Variants in SNX7 observed in about 807,000 individuals in gnomAD.
The protein encoded by SNX7 is sorting nexin-7.
SNX7 carries 35 observed loss-of-function variants against 48.4 expected under a neutral mutation model. That is an observed-to-expected ratio of 0.72 (90% confidence interval 0.55 to 0.96). The LOEUF is 0.96. Among genes scored for constraint, SNX7 ranks in the 40% least tolerant of loss-of-function variants. The probability of loss-of-function intolerance (pLI) is 0.00; values close to 1 mark genes in which losing one functional copy is unlikely to be tolerated. For synonymous variants in SNX7, 190 were observed against 190.2 expected (o/e 1.00, Z 0.01); for missense variants, 553 against 548.9 (o/e 1.01, Z -0.07).
At chr1:98,727,961 C>A (rs959324350) in intron 7 of SNX7, among the ~76,000 whole-genome samples, 4 of 152,018 alleles carry the variant, frequency 2.6e-5, no homozygotes, top group African/African-American at 9.7e-5. Flanking sequence ...GGAAAAGAAA[C>A]TTCAGAATAT....
intron 7 of SNX7, among the ~76,000 whole-genome samples, chr1:98,722,000 A>C (rs1480545815): frequency 6.6e-6 from 1 of 152,064 alleles, no homozygotes; most frequent in East Asian, 1.9e-4. Context: ...GATTCTGAGG[A>C]GATCTCTACC....
At chr1:98,661,524 G>T (rs9729127), upstream of SNX7, among the ~76,000 whole-genome samples, 8,531 of 152,172 alleles carry the variant, frequency 0.056, 754 homozygotes, top group African/African-American at 0.18. Context: ...GAGAGTCCCA[G>T]TTCCGCCCCT....
At chr1:98,712,498 A>G (rs1427830843) in intron 7 of SNX7, among the ~76,000 whole-genome samples, 1 of 152,198 alleles carries the variant, frequency 6.6e-6, no homozygotes, top group Non-Finnish European at 1.5e-5. Flanking sequence ...TTTTGAAAGG[A>G]ATCTTTTTTC....
intron 1 of SNX7, among the ~76,000 whole-genome samples, chr1:98,681,978 TTCTC>T (rs1468360888): frequency 1.3e-5 from 2 of 152,000 alleles, no homozygotes; most frequent in African/African-American, 4.8e-5. Context: ...CTCTTTTGCT[TTCTC>T]TCTCCTTAAC....
At position 98,685,169 on chromosome 1, in the gene SNX7, A is replaced by C. The variant is rs190907240; in HGVS notation, c.363+102A>C. ...ATAATTCTGAACATTCCAAGATCTTAGCTGAATTGACTTTTACTTTTTCAA... is the reference window on the plus strand; with the variant it reads ...ATAATTCTGAACATTCCAAGATCTTCGCTGAATTGACTTTTACTTTTTCAA... On this transcript the variant is annotated intron_variant, in intron 2 of 8. Coordinates refer to ENST00000306121, the MANE Select transcript of SNX7 (RefSeq NM_015976.5). The C allele has an allele frequency of 7.2e-5, 52 of 717,462 alleles. No homozygotes were observed. In the African/African-American group the frequency reaches 7.8e-4, roughly 11 times the overall value. 44.4% of individuals were successfully genotyped at this position (717,462 alleles called of 1,614,324 possible).
chr1:98,724,779 G>A (rs1447693785), intron 7 of SNX7, among the ~76,000 whole-genome samples: 1 of 152,126 alleles, frequency 6.6e-6, no homozygotes, highest in African/African-American at 2.4e-5. Context: ...GATTTAAAAA[G>A]GTTTTGACTG....
chr1:98,742,266 G>A (rs1030557435), intron 8 of SNX7, among the ~76,000 whole-genome samples: 3 of 152,096 alleles, frequency 2.0e-5, no homozygotes, highest in African/African-American at 7.2e-5. Flanking sequence ...AGTAAAGGGA[G>A]CTATGTTCAA....
chr1:98,691,797 G>A (rs1651143408), intron 4 of SNX7, 98 bp downstream of exon 4: 2 of 1,024,852 alleles, frequency 2.0e-6, no homozygotes, highest in Non-Finnish European at 2.7e-6. Context: ...TCATGCAGTG[G>A]TGTACTTGAA....
chr1:98,670,532 A>G (rs1475622650), intron 1 of SNX7, among the ~76,000 whole-genome samples: 3 of 152,248 alleles, frequency 2.0e-5, no homozygotes, highest in Admixed American at 2.0e-4. Flanking sequence ...TAAGATTGCA[A>G]TACTGTGTTT....
intron 1 of SNX7, among the ~76,000 whole-genome samples, chr1:98,678,134 T>C (rs1650278711): frequency 6.6e-6 from 1 of 152,098 alleles, no homozygotes; most frequent in Admixed American, 6.6e-5. Context: ...AGCATGGTGC[T>C]GGCATCTACC....
In SNX7 at chr1:98,666,025, A is replaced by G. The variant is rs191139407; in HGVS notation, c.180+4114A>G. 2.7e-3 allele frequency among the ~76,000 whole-genome samples: 410 copies of G among 152,298 alleles called. 2 individuals are homozygous for G. Among genetic ancestry groups the G allele is most frequent in the Admixed American group, 7.1e-3 (108 of 15,292 alleles). ...AGTGATGGAGCGGCATAATTATACT[A>G]TTCATCTATTCTATCAAATAATTAG... On this transcript the variant is annotated intron_variant, in intron 1 of 8. Transcript: ENST00000306121.
chr1:98,718,982 T>C (rs1471674306), intron 7 of SNX7, among the ~76,000 whole-genome samples: 1 of 152,108 alleles, frequency 6.6e-6, no homozygotes, highest in African/African-American at 2.4e-5. Context: ...CTATAAATAA[T>C]GCTTTAATGA....
At chr1:98,671,139 T>G (rs1463981008) in intron 1 of SNX7, among the ~76,000 whole-genome samples, 1 of 152,188 alleles carries the variant, frequency 6.6e-6, no homozygotes, top group East Asian at 1.9e-4. Flanking sequence ...TGTTAAAAAT[T>G]TATTTTATTC....
At chr1:98,747,136 A>G (rs916152628) in intron 8 of SNX7, among the ~76,000 whole-genome samples, 1 of 152,164 alleles carries the variant, frequency 6.6e-6, no homozygotes, top group Non-Finnish European at 1.5e-5. Flanking sequence ...TTTATTTACT[A>G]AAGAAGTTCT....
intron 1 of SNX7, among the ~76,000 whole-genome samples, chr1:98,665,900 T>C (rs575086062): frequency 5.3e-5 from 8 of 152,316 alleles, no homozygotes; most frequent in African/African-American, 1.9e-4. Flanking sequence ...GAAAAGTTTA[T>C]TTCTGAAAGA....
At chr1:98,744,096 T>A (rs1267127658) in intron 8 of SNX7, among the ~76,000 whole-genome samples, 1 of 152,048 alleles carries the variant, frequency 6.6e-6, no homozygotes, top group Non-Finnish European at 1.5e-5. Flanking sequence ...AAAGAACTGT[T>A]ATCTTAACAT....
intron 8 of SNX7, among the ~76,000 whole-genome samples, chr1:98,741,061 T>G (rs1052051614): frequency 1.3e-5 from 2 of 152,174 alleles, no homozygotes; most frequent in African/African-American, 4.8e-5. Context: ...TCACTAACTA[T>G]TAATATCAGA....
chr1:98,686,632 TAGA>T (rs1650815747), intron 2 of SNX7, among the ~76,000 whole-genome samples: 1 of 152,160 alleles, frequency 6.6e-6, no homozygotes. Context: ...CAAGATGTGG[TAGA>T]GCAAGACAAC....
intron 7 of SNX7, among the ~76,000 whole-genome samples, chr1:98,707,905 C>T (rs1457305724): frequency 2.6e-5 from 4 of 152,266 alleles, no homozygotes; most frequent in South Asian, 4.1e-4. Flanking sequence ...GTTTTACTCT[C>T]ATCCTTAAAT....
Sources: gnomAD v4.1 joint callset for allele counts (sites outside exome capture counted in the v4.1 genomes callset) on GRCh38, gnomAD v4.1.1 for gene constraint, MANE v1.5 for transcripts, NCBI Gene and HGNC (gene_info 2026-07-23, HGNC 2026-07-21) for gene names.